ZNF423: variants seen among roughly 807,000 people sequenced by gnomAD.
ZNF423 encodes the protein zinc finger protein 423.
A neutral mutation model predicts 95.8 loss-of-function variants in ZNF423; 12 were observed. The observed-to-expected ratio is 0.13, with a 90% confidence interval of 0.08 to 0.20. The LOEUF is 0.20. Among genes scored for constraint, ZNF423 ranks in the 10% least tolerant of loss-of-function variants. ZNF423 has a pLI of 1.00. For missense variants in ZNF423, 1,316 were observed against 1,737.1 expected (o/e 0.76, Z 4.31); for synonymous variants, 749 against 711.9 (o/e 1.05, Z -0.83).
chr16:49,818,386 C>G (rs1168905338), intron 1 of ZNF423, among the ~76,000 whole-genome samples: 1 of 152,066 alleles, frequency 6.6e-6, no homozygotes, highest in Non-Finnish European at 1.5e-5. Context: ...CGCTACTACC[C>G]TCATGTGAGT....
rs1393281258 is a variant in ZNF423 at position 49,560,437 on chromosome 16, G to A, written c.3602-34943C>T. ...ACAATTCCAATCAGCCAGCTCTGCG[G>A]TTGGGCTGGGATTTCAAGCTTGCCA... On this transcript the variant is annotated intron_variant, in intron 5 of 7. Transcript: ENST00000563137. Among the ~76,000 whole-genome samples, 3 of 152,224 alleles carry A rather than the reference G, an allele frequency of 2.0e-5. No individual in the cohort carries two copies. In the East Asian group the frequency reaches 5.8e-4, roughly 29 times the overall value.
intron 7 of ZNF423, 44 bp from the exon 8 acceptor site, chr16:49,491,348 G>A: frequency 6.2e-7 from 1 of 1,612,638 alleles, no homozygotes; most frequent in Non-Finnish European, 8.5e-7. Context: ...GAGAAGAATG[G>A]AGAGCATGCT....
At chr16:49,743,315 G>T (rs780616408) in intron 2 of ZNF423, among the ~76,000 whole-genome samples, 17 of 152,248 alleles carry the variant, frequency 1.1e-4, no homozygotes, top group African/African-American at 3.9e-4. Flanking sequence ...CTGGGAGCTC[G>T]CTGGGCACCT....
At chr16:49,853,575 TG>T in intron 1 of ZNF423, 1 of 933,368 alleles carries the variant, frequency 1.1e-6, no homozygotes, top group African/African-American at 1.8e-5. Flanking sequence ...AGTCTCGAAA[TG>T]CCTCCACTGG....
At chr16:49,832,130 G>C (rs376499444) in intron 1 of ZNF423, among the ~76,000 whole-genome samples, 1 of 152,218 alleles carries the variant, frequency 6.6e-6, no homozygotes, top group Admixed American at 6.5e-5. Context: ...CATCTGGGGT[G>C]TGGGGCAGGC....
intron 5 of ZNF423, among the ~76,000 whole-genome samples, chr16:49,552,189 C>T (rs1414745865): frequency 6.6e-6 from 1 of 152,176 alleles, no homozygotes; most frequent in Non-Finnish European, 1.5e-5. Flanking sequence ...TAATGCTTGG[C>T]CCCCATAGAC....
chr16:49,769,643 A>T (rs964219955), intron 2 of ZNF423, among the ~76,000 whole-genome samples: 4 of 152,004 alleles, frequency 2.6e-5, no homozygotes, highest in Non-Finnish European at 4.4e-5. Context: ...CAGGCCTGAA[A>T]TGAGACACTT....
rs542042457 is a variant in ZNF423, at chr16:49,499,998, C to A, written c.3850-8694G>T. ...AGCTGCACTTCAGAATGCAAATGGG[C>A]CCCGTCAGTCTGTTTGTGAGCAGAG... On this transcript the variant is annotated intron_variant, in intron 7 of 7. Coordinates refer to ENST00000563137, the MANE Select transcript of ZNF423 (RefSeq NM_001379286.1). Among the ~76,000 whole-genome samples the A allele has an allele frequency of 4.6e-5, 7 of 152,230 alleles. No individual in the cohort carries two copies. In the South Asian group the frequency reaches 1.5e-3, roughly 32 times the overall value.
intron 5 of ZNF423, among the ~76,000 whole-genome samples, chr16:49,624,853 G>T (rs1396909144): frequency 6.6e-6 from 1 of 152,186 alleles, no homozygotes. Context: ...GTAAGGGAGG[G>T]CCTGAAGGAG....
chr16:49,489,668 A>C lies in ZNF423; in HGVS notation c.*1607T>G, dbSNP rs1246207174. ...AATTGCTCCAAATTCCACACCCGTG[A>C]CTTAGTATTACATTATAATTAGGTG... On this transcript the variant is annotated 3_prime_UTR_variant, in exon 8 of 8. Transcript: ENST00000563137. 1 of 152,260 alleles carries C rather than the reference A, an allele frequency of 6.6e-6. No individual in the cohort carries two copies. The highest frequency in any genetic ancestry group is 1.9e-4 in the East Asian group (1 of 5,202). The allele number at this position is 152,260 out of a possible 1,614,324, so 9.4% of individuals were successfully genotyped here.
At chr16:49,793,744 C>G (rs1222908355) in intron 1 of ZNF423, among the ~76,000 whole-genome samples, 2 of 152,064 alleles carry the variant, frequency 1.3e-5, no homozygotes, top group African/African-American at 4.8e-5. Flanking sequence ...GGCATAGGGG[C>G]AAGTGTGTGA....
intron 5 of ZNF423, among the ~76,000 whole-genome samples, chr16:49,564,118 G>A (rs527264609): frequency 3.9e-5 from 6 of 152,328 alleles, no homozygotes; most frequent in African/African-American, 9.6e-5. Context: ...TGGCCTGCCC[G>A]AGTGAGGACA....
At chr16:49,614,150 A>G (rs768957976) in intron 5 of ZNF423, among the ~76,000 whole-genome samples, 2 of 152,252 alleles carry the variant, frequency 1.3e-5, no homozygotes, top group Non-Finnish European at 2.9e-5. Flanking sequence ...TTTATGAAGG[A>G]ACATTTCATC....
At chr16:49,584,467 C>G (rs533942063) in intron 5 of ZNF423, among the ~76,000 whole-genome samples, 10 of 152,316 alleles carry the variant, frequency 6.6e-5, no homozygotes, top group Admixed American at 3.9e-4. Context: ...CCTCCCCGAG[C>G]CTCCTAGAGC....
intron 1 of ZNF423, among the ~76,000 whole-genome samples, chr16:49,843,611 T>C (rs186597420): frequency 3.3e-5 from 5 of 152,254 alleles, no homozygotes; most frequent in South Asian, 2.1e-4. Context: ...CTGAGGCCCA[T>C]AGAAGGAACT....
intron 7 of ZNF423, among the ~76,000 whole-genome samples, chr16:49,510,850 C>CCA (rs1567432998): frequency 1.3e-5 from 2 of 152,336 alleles, no homozygotes; most frequent in Non-Finnish European, 2.9e-5. Context: ...GTTCGGCTCG[C>CCA]CACACACACA....
At chr16:49,560,948 T>C (rs1969997246) in intron 5 of ZNF423, among the ~76,000 whole-genome samples, 1 of 152,186 alleles carries the variant, frequency 6.6e-6, no homozygotes, top group East Asian at 1.9e-4. Context: ...AGGCTGCTCT[T>C]TACTTGAATA....
At chr16:49,683,415 C>A (rs558932380) in intron 3 of ZNF423, among the ~76,000 whole-genome samples, 1 of 152,088 alleles carries the variant, frequency 6.6e-6, no homozygotes. Flanking sequence ...TCTTTGGAAT[C>A]GCAAATTTCA....
chr16:49,607,600 G>A (rs1218665317), intron 5 of ZNF423, among the ~76,000 whole-genome samples: 1 of 152,152 alleles, frequency 6.6e-6, no homozygotes, highest in Non-Finnish European at 1.5e-5. Context: ...CTGGATAATG[G>A]GGTTGTTTTA....
Sources: allele counts gnomAD v4.1 joint callset (sites outside exome capture counted in the v4.1 genomes callset), GRCh38; gene constraint gnomAD v4.1.1; transcripts MANE v1.5; gene names NCBI Gene and HGNC (gene_info 2026-07-23, HGNC 2026-07-21).